GGTA1: variants seen among roughly 807,000 people sequenced by gnomAD.
GGTA1 encodes the protein inactive N-acetyllactosaminide alpha-1,3-galactosyltransferase.
In GGTA1, 5 loss-of-function variants were observed where a neutral mutation model predicts 2.6. That is an observed-to-expected ratio of 1.92 (90% confidence interval 1.00 to 4.04). The LOEUF (loss-of-function observed/expected upper bound fraction) is 4.04. Ranked by LOEUF, GGTA1 falls within the 30% of genes most tolerant of loss-of-function variation. GGTA1 has a pLI of 0.00. For missense variants in GGTA1, 50 were observed against 16.7 expected (o/e 2.99, Z -3.47); for synonymous variants, 17 against 5.0 (o/e 3.38, Z -3.19).
intron 1 of GGTA1, among the ~76,000 whole-genome samples, chr9:121,469,572 G>C (rs1209764231): frequency 6.6e-6 from 1 of 152,212 alleles, no homozygotes; most frequent in African/African-American, 2.4e-5. Context: ...GCAGCGTGGA[G>C]AATGAGGTGG....
chr9:121,448,170 T>C (rs895614532), intron 7 of GGTA1, among the ~76,000 whole-genome samples: 1 of 152,222 alleles, frequency 6.6e-6, no homozygotes, highest in Non-Finnish European at 1.5e-5. Context: ...TCTGCCTTCC[T>C]TACCCCTTTG....
At position 121,485,463 on chromosome 9, in the gene GGTA1, G is replaced by A. The variant is rs541206738; in HGVS notation, c.-10+14187C>T. On this transcript the variant is annotated intron_variant, in intron 1 of 5. Transcript: ENST00000481799. ...TGTTGTGAAGGTTAAGTGTTGTCACGTGTAAAGTGTCTAGCATTATATTCC... is the reference window on the plus strand; with the variant it reads ...TGTTGTGAAGGTTAAGTGTTGTCACATGTAAAGTGTCTAGCATTATATTCC... Among the ~76,000 whole-genome samples the A allele has an allele frequency of 9.8e-5, 15 of 152,336 alleles. No homozygotes were observed. In the South Asian group the frequency reaches 2.3e-3, roughly 23 times the overall value.
intron 1 of GGTA1, among the ~76,000 whole-genome samples, chr9:121,481,445 G>A (rs1828647607): frequency 6.6e-6 from 1 of 152,114 alleles, no homozygotes; most frequent in South Asian, 2.1e-4. Flanking sequence ...CCAGCACTTT[G>A]GGAGGCTGAG....
At chr9:121,451,654 C>A (rs1217952730), downstream of GGTA1, among the ~76,000 whole-genome samples, 1 of 152,216 alleles carries the variant, frequency 6.6e-6, no homozygotes, top group Non-Finnish European at 1.5e-5. Context: ...ATCTGAGGAA[C>A]CCATGGAAGA....
intron 1 of GGTA1, among the ~76,000 whole-genome samples, chr9:121,489,307 T>C (rs1828825540): frequency 1.3e-5 from 2 of 152,158 alleles, no homozygotes; most frequent in African/African-American, 4.8e-5. Flanking sequence ...CAAGCGATCC[T>C]CCCACCTTAG....
intron 2 of GGTA1, among the ~76,000 whole-genome samples, chr9:121,467,047 A>T (rs1440389161): frequency 6.6e-6 from 1 of 152,150 alleles, no homozygotes. Flanking sequence ...CTCCGCTATG[A>T]AAATATTAAT....
At chr9:121,497,906 A>G (rs1829026239) in intron 1 of GGTA1, among the ~76,000 whole-genome samples, 1 of 152,198 alleles carries the variant, frequency 6.6e-6, no homozygotes, top group South Asian at 2.1e-4. Context: ...ATGGCTGCTC[A>G]GAGCCACCAT....
At chr9:121,456,153 A>T (rs2064909555) in intron 5 of GGTA1, among the ~76,000 whole-genome samples, 1 of 152,206 alleles carries the variant, frequency 6.6e-6, no homozygotes, top group Non-Finnish European at 1.5e-5. Flanking sequence ...TGATAATGTC[A>T]ACTGCCAGAG....
intron 7 of GGTA1, among the ~76,000 whole-genome samples, chr9:121,448,316 C>T (rs2064861885): frequency 6.6e-6 from 1 of 152,100 alleles, no homozygotes; most frequent in Non-Finnish European, 1.5e-5. Flanking sequence ...CCCTTGGATC[C>T]ACTGGGGATG....
chr9:121,478,570 AG>A (rs1195216118), intron 1 of GGTA1, among the ~76,000 whole-genome samples: 2 of 152,156 alleles, frequency 1.3e-5, no homozygotes, highest in Admixed American at 1.3e-4. Context: ...GGGTCTTACA[AG>A]GAAATGCTTC....
chr9:121,460,389 T>G (rs1000977306), intron 4 of GGTA1, among the ~76,000 whole-genome samples, 170 bp from the exon 5 acceptor site: 36 of 152,292 alleles, frequency 2.4e-4, no homozygotes, highest in African/African-American at 8.4e-4. Context: ...AAGACATATT[T>G]TTGATGAAAA....
At chr9:121,494,919 A>AGTCT in intron 1 of GGTA1, 1 of 125,050 alleles carries the variant, frequency 8.0e-6, no homozygotes, top group Non-Finnish European at 1.6e-5. Context: ...AATCTACATC[A>AGTCT]TTCTTTTTTT....
intron 1 of GGTA1, chr9:121,479,191 T>G: frequency 2.3e-6 from 1 of 438,086 alleles, no homozygotes; most frequent in Non-Finnish European, 4.5e-6. Context: ...GACCCCAGCA[T>G]GGCAGAAGCA....
chr9:121,468,018 C>T (rs531873231), intron 1 of GGTA1, 87 bp from the exon 2 acceptor site: 23 of 409,166 alleles, frequency 5.6e-5, no homozygotes, highest in South Asian at 2.5e-4. Flanking sequence ...GCTTTTACCC[C>T]GTTCTTTTTT....
chr9:121,481,364 G>A (rs929489444), intron 1 of GGTA1, among the ~76,000 whole-genome samples: 4 of 151,854 alleles, frequency 2.6e-5, no homozygotes, highest in Admixed American at 2.0e-4. Context: ...GGTACACACT[G>A]GATGATTCCA....
chr9:121,446,545 C>G (rs551322954), exon 8 of GGTA1: 31 of 152,340 alleles, frequency 2.0e-4, no homozygotes, highest in African/African-American at 7.2e-4. Flanking sequence ...CAAGGGACAA[C>G]CCCTTACAAT....
chr9:121,484,799 A>G (rs1828724373), intron 1 of GGTA1, among the ~76,000 whole-genome samples: 1 of 152,224 alleles, frequency 6.6e-6, no homozygotes, highest in Admixed American at 6.5e-5. Flanking sequence ...AATAAATGAC[A>G]CGCAGAGTGA....
downstream of GGTA1, among the ~76,000 whole-genome samples, chr9:121,452,799 G>A (rs541124161): frequency 3.3e-5 from 5 of 152,304 alleles, no homozygotes; most frequent in South Asian, 2.1e-4. Context: ...GATTACAGGC[G>A]TGAGCCACTG....
At chr9:121,473,223 G>A (rs1432680549) in intron 1 of GGTA1, among the ~76,000 whole-genome samples, 1 of 150,518 alleles carries the variant, frequency 6.6e-6, no homozygotes, top group East Asian at 1.9e-4. Context: ...GGGAGGCTGA[G>A]GCAGGAGAAT....
Sources: allele counts gnomAD v4.1 joint callset (sites outside exome capture counted in the v4.1 genomes callset), GRCh38; gene constraint gnomAD v4.1.1; transcripts MANE v1.5; gene names NCBI Gene and HGNC (gene_info 2026-07-23, HGNC 2026-07-21).